Variants in CCND3 observed in about 807,000 individuals in gnomAD.
The protein encoded by CCND3 is cyclin D3.
In CCND3, 9 loss-of-function variants were observed where a neutral mutation model predicts 28.7. The observed-to-expected ratio is 0.31, with a 90% CI of 0.19 to 0.55. The LOEUF (loss-of-function observed/expected upper bound fraction) is 0.55, where lower values mean the gene tolerates loss of function less well. Ranked by LOEUF, CCND3 falls within the 20% of genes least tolerant of loss-of-function variation. The pLI is 0.93. For synonymous variants in CCND3, 164 were observed against 163.9 expected (o/e 1.00, Z 0.00); for missense variants, 315 against 385.8 (o/e 0.82, Z 1.54).
chr6:41,978,662 A>G (rs1041958744), intron 1 of CCND3, among the ~76,000 whole-genome samples: 3 of 152,142 alleles, frequency 2.0e-5, no homozygotes, highest in African/African-American at 7.2e-5. Context: ...TGTTCTATCT[A>G]CTGATCTGGC....
intron 1 of CCND3, among the ~76,000 whole-genome samples, chr6:42,022,163 T>C (rs960167702): frequency 1.3e-5 from 2 of 152,220 alleles, no homozygotes; most frequent in Admixed American, 6.5e-5. Context: ...ATGATTCTGC[T>C]GGGAGAGATC....
At chr6:41,993,729 C>T (rs983681382) in intron 1 of CCND3, among the ~76,000 whole-genome samples, 3 of 151,536 alleles carry the variant, frequency 2.0e-5, no homozygotes, top group African/African-American at 7.3e-5. Context: ...TTGAGACCAG[C>T]CTGGCCAACA....
In CCND3 at chr6:42,007,368, A is replaced by T. The variant is rs181318812; in HGVS notation, c.-46+41133T>A. On this transcript the variant is annotated intron_variant, in intron 1 of 4. Transcript: ENST00000372988. ...CGGGTGGATGGCCATGAGGGTGGCT[A>T]GTAAGGCCAAGTCCAATTGAAGTCA... Among the ~76,000 whole-genome samples the T allele has an allele frequency of 9.2e-5, 14 of 152,356 alleles. No individual in the cohort carries two copies. In the East Asian group the frequency reaches 2.3e-3, roughly 25 times the overall value.
intron 1 of CCND3, among the ~76,000 whole-genome samples, chr6:42,001,437 AG>A (rs1311504508): frequency 5.6e-5 from 7 of 125,390 alleles, no homozygotes; most frequent in African/African-American, 1.8e-4. Flanking sequence ...AAAAAGGAAC[AG>A]GTTGCTAACA....
At chr6:41,986,185 A>G (rs1052168521) in intron 1 of CCND3, among the ~76,000 whole-genome samples, 12 of 151,984 alleles carry the variant, frequency 7.9e-5, no homozygotes, top group Non-Finnish European at 1.3e-4. Flanking sequence ...CTATAGCTTT[A>G]CAGTATATTT....
At chr6:41,937,771 AACTGG>A (rs1775857249) in intron 2 of CCND3, 2 of 251,506 alleles carry the variant, frequency 8.0e-6, no homozygotes, top group Non-Finnish European at 1.6e-5. Flanking sequence ...CATCACCATG[AACTGG>A]GCTCTCTTCT....
At chr6:41,963,970 C>T (rs1761785542) in intron 1 of CCND3, among the ~76,000 whole-genome samples, 1 of 152,188 alleles carries the variant, frequency 6.6e-6, no homozygotes, top group African/African-American at 2.4e-5. Context: ...TAGCACTGTC[C>T]ATCATCTTTA....
At chr6:41,985,069 G>A (rs1762449089) in intron 1 of CCND3, among the ~76,000 whole-genome samples, 1 of 151,980 alleles carries the variant, frequency 6.6e-6, no homozygotes, top group African/African-American at 2.4e-5. Flanking sequence ...TGAAATGTGT[G>A]GTTTGCAAAT....
chr6:41,994,711 C>A (rs4714535), intron 1 of CCND3, among the ~76,000 whole-genome samples: 1 of 152,272 alleles, frequency 6.6e-6, no homozygotes, highest in Admixed American at 6.5e-5. Context: ...GCATGTATGG[C>A]GTAGGAATTA....
chr6:42,040,819 C>G (rs1183039671), intron 1 of CCND3, among the ~76,000 whole-genome samples: 1 of 151,326 alleles, frequency 6.6e-6, no homozygotes, highest in African/African-American at 2.4e-5. Context: ...CCACTGCACT[C>G]CAGCCTGGGT....
intron 1 of CCND3, among the ~76,000 whole-genome samples, chr6:42,028,426 C>T (rs1763944257): frequency 6.6e-6 from 1 of 152,244 alleles, no homozygotes; most frequent in South Asian, 2.1e-4. Context: ...CAGACAATTC[C>T]TGTGCCCATC....
chr6:41,954,249 T>TTAAAAAAAAAAA (rs1776383356), intron 1 of CCND3, among the ~76,000 whole-genome samples: 1 of 10,746 alleles, frequency 9.3e-5, no homozygotes, highest in Non-Finnish European at 2.2e-4. Context: ...AGATTCTGCC[T>TTAAAAAAAAAAA]TAAAAAAAAA....
chr6:42,045,536 G>A (rs1764514802), intron 1 of CCND3, among the ~76,000 whole-genome samples: 1 of 152,186 alleles, frequency 6.6e-6, no homozygotes, highest in Non-Finnish European at 1.5e-5. Flanking sequence ...AAAGGTTGTA[G>A]GAAATGCTTT....
rs994410493 is a variant in CCND3, at chr6:41,935,759, A to G, written c.*181T>C. 2 of 594,526 alleles carry G rather than the reference A, an allele frequency of 3.4e-6. No homozygotes were observed. The highest frequency in any genetic ancestry group is 6.0e-6 in the Non-Finnish European group (2 of 335,190). The allele number at this position is 594,526 out of a possible 1,614,324, so 36.8% of individuals were successfully genotyped here. On this transcript the variant is annotated 3_prime_UTR_variant, in exon 5 of 5. Transcript: ENST00000372991. ...CTTGACTAGCCACCGAAATGCAGACATGGCTGGCCGGGCCCCTTAGTGCAC... is the reference window on the plus strand; with the variant it reads ...CTTGACTAGCCACCGAAATGCAGACGTGGCTGGCCGGGCCCCTTAGTGCAC...
At chr6:42,028,916 T>C (rs1017170316) in intron 1 of CCND3, among the ~76,000 whole-genome samples, 82 of 151,986 alleles carry the variant, frequency 5.4e-4, no homozygotes, top group Admixed American at 3.9e-4. Context: ...CAGGGTCCCA[T>C]GCTCAGGACG....
At chr6:41,950,910 G>A (rs1411040424) in intron 1 of CCND3, among the ~76,000 whole-genome samples, 4 of 151,862 alleles carry the variant, frequency 2.6e-5, no homozygotes, top group East Asian at 3.9e-4. Context: ...GGGTTTCACC[G>A]TGTTAGCCAG....
chr6:41,982,579 ATTGTAAAGTTTATATTGAGAGG>A (rs1762379204), intron 1 of CCND3, among the ~76,000 whole-genome samples: 2 of 152,194 alleles, frequency 1.3e-5, no homozygotes, highest in Admixed American at 1.3e-4. Context: ...TGACAAACTG[ATTGTAAAGTTTATATTGAGAGG>A]CAAAAGACCC....
At chr6:41,965,714 C>A (rs1446780807) in intron 1 of CCND3, among the ~76,000 whole-genome samples, 1 of 152,164 alleles carries the variant, frequency 6.6e-6, no homozygotes, top group African/African-American at 2.4e-5. Flanking sequence ...GGAACCCTCC[C>A]TCAGCTCACA....
At chr6:41,956,493 T>A (rs1776439150) in intron 1 of CCND3, among the ~76,000 whole-genome samples, 1 of 152,088 alleles carries the variant, frequency 6.6e-6, no homozygotes. Flanking sequence ...AGGTAGGCCA[T>A]CATATTCCCA....
Sources: allele counts gnomAD v4.1 joint callset (sites outside exome capture counted in the v4.1 genomes callset), GRCh38; gene constraint gnomAD v4.1.1; transcripts MANE v1.5; gene names NCBI Gene and HGNC (gene_info 2026-07-23, HGNC 2026-07-21).